Variants in FXYD6 observed in about 807,000 individuals in gnomAD.
FXYD6 encodes FXYD domain-containing ion transport regulator 6.
A neutral mutation model predicts 16.7 loss-of-function variants in FXYD6; 7 were observed. The observed-to-expected ratio is 0.42, with a 90% confidence interval of 0.24 to 0.79. FXYD6 has a LOEUF of 0.79. Among genes scored for constraint, FXYD6 ranks in the 30% least tolerant of loss-of-function variants. The pLI is 0.28. For synonymous variants in FXYD6, 49 were observed against 43.0 expected (o/e 1.14, Z -0.54); for missense variants, 111 against 116.2 (o/e 0.95, Z 0.21).
intron 1 of FXYD6, among the ~76,000 whole-genome samples, chr11:117,867,458 T>G (rs2057035676): frequency 6.6e-6 from 1 of 152,226 alleles, no homozygotes. Context: ...AATAGTGCAG[T>G]AGCTGGACCC....
intron 1 of FXYD6, among the ~76,000 whole-genome samples, chr11:117,851,275 CT>C (rs1314257138): frequency 7.0e-6 from 1 of 143,570 alleles, no homozygotes; most frequent in Non-Finnish European, 1.6e-5. Flanking sequence ...AACACAGCCT[CT>C]TGTGTGCTCT....
intron 1 of FXYD6, among the ~76,000 whole-genome samples, chr11:117,846,752 CTG>C (rs1162446870): frequency 2.0e-5 from 3 of 152,166 alleles, no homozygotes; most frequent in African/African-American, 4.8e-5. Flanking sequence ...ATTAAAATTA[CTG>C]TGTTTCAATT....
chr11:117,875,248 G>A (rs1461635658), intron 1 of FXYD6, among the ~76,000 whole-genome samples: 1 of 152,076 alleles, frequency 6.6e-6, no homozygotes, highest in African/African-American at 2.4e-5. Flanking sequence ...GTGTGAGTGT[G>A]AGGGTGTGTT....
At chr11:117,841,057 A>G in intron 5 of FXYD6, 91 bp downstream of exon 5, 6 of 1,535,700 alleles carry the variant, frequency 3.9e-6, no homozygotes, top group East Asian at 2.3e-5. Context: ...CAAGAATCCA[A>G]GAGAATGCCC....
chr11:117,841,461 C>T (rs1213991064), intron 4 of FXYD6: 13 of 588,030 alleles, frequency 2.2e-5, no homozygotes, highest in East Asian at 5.7e-5. Flanking sequence ...ACAACAAACT[C>T]GGAGGCACAT....
chr11:117,839,887 C>A, intron 6 of FXYD6, 57 bp from the exon 7 acceptor site: 1 of 1,607,756 alleles, frequency 6.2e-7, no homozygotes, highest in Non-Finnish European at 8.5e-7. Flanking sequence ...CCGTGGGCCA[C>A]CCCCAACAGC....
intron 1 of FXYD6, among the ~76,000 whole-genome samples, chr11:117,858,675 C>CTT (rs765596047): frequency 4.6e-5 from 4 of 86,156 alleles, no homozygotes; most frequent in Admixed American, 2.7e-4. Context: ...TTCTTTCTTT[C>CTT]TTTCTTTCTT....
intron 1 of FXYD6, among the ~76,000 whole-genome samples, chr11:117,850,713 G>A (rs764075745): frequency 7.3e-5 from 11 of 151,136 alleles, no homozygotes; most frequent in Admixed American, 2.0e-4. Context: ...GGCTGGTCTC[G>A]AACTCCTGGG....
chr11:117,867,991 C>T (rs987882846), intron 1 of FXYD6, among the ~76,000 whole-genome samples: 40 of 152,202 alleles, frequency 2.6e-4, no homozygotes, highest in African/African-American at 8.9e-4. Context: ...GATGTGCAGC[C>T]AAGGTTAATA....
At chr11:117,863,820 T>C (rs2056959272) in intron 1 of FXYD6, among the ~76,000 whole-genome samples, 1 of 151,676 alleles carries the variant, frequency 6.6e-6, no homozygotes, top group African/African-American at 2.4e-5. Flanking sequence ...ACATTAACAA[T>C]AAAAAATCTG....
In FXYD6 at chr11:117,876,622, G is replaced by A. The variant is rs951241687; in HGVS notation, c.-36C>T. ...CAGCCGGTCCCCTCCGAGACTCCCA[G>A]GAGGACCCGCCGAGTCCCGAGGAGC... is the stretch of plus-strand genomic sequence containing the variant. On this transcript the variant is annotated 5_prime_UTR_variant, in exon 1 of 8. Transcript: ENST00000526014. 1.3e-5 allele frequency: 2 copies of A among 152,336 alleles called. No individual in the cohort carries two copies. Among genetic ancestry groups the A allele is most frequent in the South Asian group, 4.1e-4 (2 of 4,836 alleles). 9.4% of individuals were successfully genotyped at this position (152,336 alleles called of 1,614,324 possible).
At chr11:117,858,703 C>CTTTCTT (rs72107481) in intron 1 of FXYD6, among the ~76,000 whole-genome samples, 1,234 of 95,008 alleles carry the variant, frequency 0.013, 11 homozygotes, top group Admixed American at 0.019. Flanking sequence ...TTCTTTCTTT[C>CTTTCTT]TCTCTCTCTC....
At chr11:117,847,305 G>T (rs1245781417) in intron 1 of FXYD6, among the ~76,000 whole-genome samples, 1 of 151,842 alleles carries the variant, frequency 6.6e-6, no homozygotes, top group Non-Finnish European at 1.5e-5. Flanking sequence ...AAATGATATT[G>T]TTCCTTCTTT....
intron 6 of FXYD6, 89 bp from the exon 7 acceptor site, chr11:117,839,919 T>C: frequency 1.3e-6 from 2 of 1,549,204 alleles, no homozygotes; most frequent in Non-Finnish European, 1.8e-6. Context: ...TGCCTGACTC[T>C]GGGGGAGCAA....
At chr11:117,843,564 T>C (rs1379518760) in intron 1 of FXYD6, 1 of 152,192 alleles carries the variant, frequency 6.6e-6, no homozygotes, top group Non-Finnish European at 1.5e-5. Context: ...TAAACCAGTG[T>C]CCCTCTAGTC....
chr11:117,859,115 G>A (rs7121573), intron 1 of FXYD6, among the ~76,000 whole-genome samples: 41,519 of 109,922 alleles, frequency 0.38, 7,556 homozygotes, highest in East Asian at 0.58. Context: ...GAGGCTGCTC[G>A]AAAGTCCATT....
At chr11:117,865,821 G>C (rs2057001521) in intron 1 of FXYD6, among the ~76,000 whole-genome samples, 1 of 152,056 alleles carries the variant, frequency 6.6e-6, no homozygotes, top group South Asian at 2.1e-4. Flanking sequence ...CAGCTACCCG[G>C]GAGGCTGAGG....
At chr11:117,856,429 T>A (rs762054622) in intron 1 of FXYD6, among the ~76,000 whole-genome samples, 9 of 152,154 alleles carry the variant, frequency 5.9e-5, no homozygotes, top group Non-Finnish European at 1.2e-4. Context: ...TCCCCTGGCA[T>A]CCCACCTGCT....
Position 117,841,879 on chromosome 11 carries a change from C to T in FXYD6, c.98-14G>A. The T allele has an allele frequency of 6.2e-7, 1 of 1,614,030 alleles. No homozygotes were observed. Among genetic ancestry groups the T allele is most frequent in the East Asian group, 2.2e-5 (1 of 44,876 alleles). Reference sequence around the variant, plus strand: ...GGGTCTGGTAATCTGCCAAAGGAACCAAGGGTGAGAGAGGAAGGGGCCAGG... The same window carrying T: ...GGGTCTGGTAATCTGCCAAAGGAACTAAGGGTGAGAGAGGAAGGGGCCAGG... On this transcript the variant is annotated splice_polypyrimidine_tract_variant and intron_variant, in intron 3 of 7. Coordinates refer to ENST00000526014, the MANE Select transcript of FXYD6 (RefSeq NM_022003.4).
Sources: allele counts gnomAD v4.1 joint callset (sites outside exome capture counted in the v4.1 genomes callset), GRCh38; gene constraint gnomAD v4.1.1; transcripts MANE v1.5; gene names NCBI Gene and HGNC (gene_info 2026-07-23, HGNC 2026-07-21).